CABLES1: variants seen among roughly 807,000 people sequenced by gnomAD.
CABLES1 encodes CDK5 and ABL1 enzyme substrate 1.
In CABLES1, 36 loss-of-function variants were observed where a neutral mutation model predicts 57.8. The observed-to-expected ratio is 0.62, with a 90% confidence interval of 0.48 to 0.82. The LOEUF (loss-of-function observed/expected upper bound fraction) is 0.82, where lower values mean the gene tolerates loss of function less well. Ranked by LOEUF, CABLES1 falls within the 40% of genes least tolerant of loss-of-function variation. The pLI, the probability that CABLES1 is intolerant of heterozygous loss-of-function variation, is 0.00. For synonymous variants in CABLES1, 374 were observed against 363.0 expected, an observed-to-expected ratio of 1.03 and a Z score of -0.35; for missense variants, 767 against 836.6, an observed-to-expected ratio of 0.92 and a Z score of 1.03.
chr18:23,199,641 T>C (rs1056079715), intron 3 of CABLES1, among the ~76,000 whole-genome samples: 1 of 152,104 alleles, frequency 6.6e-6, no homozygotes, highest in Admixed American at 6.5e-5. Context: ...TCCAGAATAG[T>C]CCATAGAGAC....
At chr18:23,169,909 G>T (rs892878681) in intron 1 of CABLES1, among the ~76,000 whole-genome samples, 1 of 152,158 alleles carries the variant, frequency 6.6e-6, no homozygotes, top group African/African-American at 2.4e-5. Flanking sequence ...GTCCGCCACT[G>T]TGTGGGGTCA....
At chr18:23,181,496 C>CAAAAAAAAAAAAAAA (rs59742943) in intron 1 of CABLES1, among the ~76,000 whole-genome samples, 3 of 35,398 alleles carry the variant, frequency 8.5e-5, no homozygotes, top group African/African-American at 3.0e-4. Flanking sequence ...AGCTTCGTCT[C>CAAAAAAAAAAAAAAA]AAAAAAAAAA....
intron 3 of CABLES1, among the ~76,000 whole-genome samples, chr18:23,202,984 C>CAAA (rs34495738): frequency 3.5e-5 from 4 of 115,338 alleles, no homozygotes; most frequent in Admixed American, 2.5e-4. Context: ...AAGACTCCAT[C>CAAA]AAAAAAAAAA....
chr18:23,212,146 G>A (rs998257844), intron 3 of CABLES1, among the ~76,000 whole-genome samples: 3 of 152,258 alleles, frequency 2.0e-5, no homozygotes, highest in Admixed American at 2.0e-4. Flanking sequence ...AGCAGGCCTG[G>A]GTATTTAGCA....
At chr18:23,171,664 T>G (rs928922090) in intron 1 of CABLES1, among the ~76,000 whole-genome samples, 2 of 152,230 alleles carry the variant, frequency 1.3e-5, no homozygotes, top group Non-Finnish European at 2.9e-5. Flanking sequence ...GTTGTCTCTC[T>G]TTTTCCAAGA....
At chr18:23,182,926 A>G (rs2047177608) in intron 1 of CABLES1, among the ~76,000 whole-genome samples, 1 of 152,224 alleles carries the variant, frequency 6.6e-6, no homozygotes, top group African/African-American at 2.4e-5. Context: ...TCTGCTTACC[A>G]GGCTCAGGAG....
In CABLES1 at chr18:23,136,401, C is replaced by CT; in HGVS notation, c.642dup (p.Ile215TyrfsTer85). The CT allele has an allele frequency of 6.3e-7, 1 of 1,593,342 alleles. No homozygotes were observed. The highest frequency in any genetic ancestry group is 8.5e-7 in the Non-Finnish European group (1 of 1,171,512). On this transcript the variant is annotated frameshift_variant, in exon 1 of 10. Transcript: ENST00000256925. LOFTEE classifies it high-confidence loss of function. ...AGGAGGAGTTGGAGGAGGACGATGC[C>CT]TTTATCAGCGTGCAGGTGCCGGCGG...
intron 1 of CABLES1, among the ~76,000 whole-genome samples, chr18:23,180,449 C>G (rs1008746385): frequency 2.0e-5 from 3 of 151,978 alleles, no homozygotes; most frequent in African/African-American, 7.3e-5. Context: ...TTTAAGAGAG[C>G]CTAGTATTTG....
At chr18:23,178,855 C>T (rs967349416) in intron 1 of CABLES1, among the ~76,000 whole-genome samples, 1 of 152,134 alleles carries the variant, frequency 6.6e-6, no homozygotes, top group African/African-American at 2.4e-5. Context: ...TTTAGAGAGT[C>T]GCTTTCTTGA....
Position 23,259,465 on chromosome 18 carries a change from T to A in CABLES1, c.*2098T>A, listed in dbSNP as rs2048242226. 6.6e-6 allele frequency: 1 copy of A among 152,258 alleles called. No individual in the cohort carries two copies. Among genetic ancestry groups the A allele is most frequent in the Non-Finnish European group, 1.5e-5 (1 of 68,068 alleles). The allele number at this position is 152,258 out of a possible 1,614,324, so 9.4% of individuals were successfully genotyped here. On this transcript the variant is annotated 3_prime_UTR_variant, in exon 10 of 10. Coordinates refer to ENST00000256925, the MANE Select transcript of CABLES1 (RefSeq NM_001100619.3). ...TGATTTGTTTGGTTTTTAGCATTTA[T>A]GAGGTGAGCCCATGAAGTTAGTGGT...
At chr18:23,152,049 G>T (rs1405462131) in intron 1 of CABLES1, among the ~76,000 whole-genome samples, 1 of 152,116 alleles carries the variant, frequency 6.6e-6, no homozygotes, top group Non-Finnish European at 1.5e-5. Context: ...GGACTGATTG[G>T]GTAGCAGTGC....
intron 1 of CABLES1, among the ~76,000 whole-genome samples, chr18:23,150,271 C>T (rs1397242911): frequency 3.5e-5 from 5 of 141,062 alleles, no homozygotes; most frequent in Non-Finnish European, 4.5e-5. Flanking sequence ...TGCAGTGGCG[C>T]GATCTTGGCT....
chr18:23,248,444 G>T (rs1934914416), intron 7 of CABLES1, among the ~76,000 whole-genome samples: 1 of 151,862 alleles, frequency 6.6e-6, no homozygotes, highest in Non-Finnish European at 1.5e-5. Flanking sequence ...CACTCAGGAG[G>T]CAGAGGCAGG....
At chr18:23,160,683 G>C (rs1056935013) in intron 1 of CABLES1, among the ~76,000 whole-genome samples, 1 of 152,180 alleles carries the variant, frequency 6.6e-6, no homozygotes, top group Non-Finnish European at 1.5e-5. Context: ...CCCTGTGTGG[G>C]AGGGGTTTTT....
At chr18:23,142,063 C>T (rs2046861457) in intron 1 of CABLES1, among the ~76,000 whole-genome samples, 1 of 152,054 alleles carries the variant, frequency 6.6e-6, no homozygotes, top group Non-Finnish European at 1.5e-5. Context: ...GAGCCTGCCA[C>T]CCCTTCTGGG....
chr18:23,186,783 T>C (rs1203529721), intron 1 of CABLES1, among the ~76,000 whole-genome samples: 1 of 152,182 alleles, frequency 6.6e-6, no homozygotes, highest in Non-Finnish European at 1.5e-5. Context: ...TTTCAGTGTC[T>C]GATTCTAGGC....
chr18:23,200,934 A>AGC (rs2047320870), intron 3 of CABLES1, among the ~76,000 whole-genome samples: 1 of 152,232 alleles, frequency 6.6e-6, no homozygotes, highest in South Asian at 2.1e-4. Flanking sequence ...TATTCCCGCC[A>AGC]GCGTTATCTC....
chr18:23,237,747 A>G (rs891916437), intron 7 of CABLES1, among the ~76,000 whole-genome samples: 5 of 152,164 alleles, frequency 3.3e-5, no homozygotes, highest in Non-Finnish European at 7.3e-5. Flanking sequence ...TTTTTATTTC[A>G]TGGACTCTTC....
intron 1 of CABLES1, among the ~76,000 whole-genome samples, chr18:23,174,694 G>T (rs779924182): frequency 1.3e-4 from 20 of 151,426 alleles, no homozygotes; most frequent in East Asian, 7.8e-4. Flanking sequence ...GGATGGTGTC[G>T]ATCTCCTGAC....
Sources: allele counts gnomAD v4.1 joint callset (sites outside exome capture counted in the v4.1 genomes callset), GRCh38; gene constraint gnomAD v4.1.1; transcripts MANE v1.5; gene names NCBI Gene and HGNC (gene_info 2026-07-23, HGNC 2026-07-21).